PTPRN2: variants seen among roughly 807,000 people sequenced by gnomAD.
PTPRN2 encodes receptor-type tyrosine-protein phosphatase N2.
Under a neutral mutation model 118.8 loss-of-function variants are expected in PTPRN2, and 74 were observed. The observed-to-expected ratio is 0.62, with a 90% CI of 0.52 to 0.76. The LOEUF is 0.76. PTPRN2 is among the 30% of genes least tolerant of loss of function. PTPRN2 has a pLI of 0.00. For synonymous variants in PTPRN2, 641 were observed against 608.0 expected (o/e 1.05, Z -0.80); for missense variants, 1,481 against 1,394.4 (o/e 1.06, Z -0.99).
At chr7:158,272,224 G>GC (rs1461663298) in intron 3 of PTPRN2, among the ~76,000 whole-genome samples, 4 of 152,094 alleles carry the variant, frequency 2.6e-5, no homozygotes, top group African/African-American at 9.7e-5. Context: ...TGGAAAAACA[G>GC]CCCCCCGGGA....
intron 12 of PTPRN2, among the ~76,000 whole-genome samples, chr7:157,872,938 C>T (rs1811199515): frequency 6.6e-6 from 1 of 152,238 alleles, no homozygotes; most frequent in Non-Finnish European, 1.5e-5. Context: ...GCACTCATTT[C>T]CCAGGTGGTG....
rs190266283 is a variant in PTPRN2 at position 158,015,676 on chromosome 7, C to T, written c.1723+65622G>A. On this transcript the variant is annotated intron_variant, in intron 11 of 22. Transcript: ENST00000389418. The surrounding 1 kb of genome is among the most constrained non-coding windows in gnomAD (Gnocchi z 4.2). ...ACTGATTTTTGCCAGTAGCAGAGAACGTACGAGGTCTTTCTTCCTATTTTC... is the reference window on the plus strand; with the variant it reads ...ACTGATTTTTGCCAGTAGCAGAGAATGTACGAGGTCTTTCTTCCTATTTTC... 2.6e-5 allele frequency among the ~76,000 whole-genome samples: 4 copies of T among 152,152 alleles called. No homozygotes were observed. The highest frequency in any genetic ancestry group is 4.4e-5 in the Non-Finnish European group (3 of 68,030).
chr7:158,413,746 C>T (rs954609320), intron 2 of PTPRN2, among the ~76,000 whole-genome samples: 27 of 152,316 alleles, frequency 1.8e-4, no homozygotes, highest in African/African-American at 6.3e-4. Context: ...GCCCATCCTG[C>T]GGGTGCTGGG....
chr7:157,734,271 T>C (rs1249813418), intron 12 of PTPRN2, among the ~76,000 whole-genome samples: 820 of 74,284 alleles, frequency 0.011, 21 homozygotes, highest in South Asian at 0.091. Flanking sequence ...ATGTGCCCAG[T>C]GCAGTCTTCC....
chr7:157,863,720 A>G (rs1029693941), intron 12 of PTPRN2: 9 of 152,196 alleles, frequency 5.9e-5, no homozygotes, highest in Non-Finnish European at 1.5e-5. Flanking sequence ...CGATGAAGGT[A>G]AAACAAGCTC....
At chr7:158,360,189 T>A (rs62494360) in intron 2 of PTPRN2, among the ~76,000 whole-genome samples, 49 of 1,602 alleles carry the variant, frequency 0.031, 2 homozygotes, top group Non-Finnish European at 0.041. Flanking sequence ...ACATCCACCC[T>A]CACCCAGGAC....
At chr7:158,262,918 C>T (rs1459858523) in intron 3 of PTPRN2, among the ~76,000 whole-genome samples, 1 of 130,536 alleles carries the variant, frequency 7.7e-6, no homozygotes, top group Admixed American at 7.9e-5. Flanking sequence ...TCACACTGCA[C>T]ACACATTCAC....
intron 2 of PTPRN2, among the ~76,000 whole-genome samples, chr7:158,360,829 T>C (rs112985699): frequency 2.0e-3 from 28 of 14,078 alleles, no homozygotes; most frequent in Admixed American, 8.5e-3. Flanking sequence ...TCACCCAGGA[T>C]GACGCACAGA....
At position 158,544,714 on chromosome 7, in the gene PTPRN2, C is replaced by T. The variant is rs1365722409; in HGVS notation, c.112+42844G>A. 2.0e-5 allele frequency among the ~76,000 whole-genome samples: 3 copies of T among 152,042 alleles called. No individual in the cohort carries two copies. The highest frequency in any genetic ancestry group is 6.5e-5 in the Admixed American group (1 of 15,284). On this transcript the variant is annotated intron_variant, in intron 1 of 22. Transcript: ENST00000389418. This position sits in a 1 kb window ranked among gnomAD's most constrained non-coding sequence, Gnocchi z 4.2. ...GCTATCACTGTGTGAGTGTATTTTA[C>T]GTGTGGTCCAAGATAATTCTTATTC...
intron 10 of PTPRN2, among the ~76,000 whole-genome samples, chr7:158,100,601 G>A (rs1247741638): frequency 6.6e-6 from 1 of 152,108 alleles, no homozygotes; most frequent in East Asian, 1.9e-4. Context: ...AATCTTGCAG[G>A]AGTAAGGTGG....
intron 12 of PTPRN2, among the ~76,000 whole-genome samples, chr7:157,776,829 T>C (rs1357784204): frequency 1.6e-4 from 9 of 55,670 alleles, no homozygotes; most frequent in African/African-American, 6.4e-4. Context: ...CTCCCTCTCC[T>C]CCCTCTCTTC....
At chr7:158,299,320 T>G (rs10949711) in intron 3 of PTPRN2, among the ~76,000 whole-genome samples, 35,627 of 146,784 alleles carry the variant, frequency 0.24, 4,951 homozygotes, top group East Asian at 0.42. Context: ...TTTTTTGAGA[T>G]GGAGTCTCAC....
At chr7:158,196,505 G>A (rs1442817615) in intron 4 of PTPRN2, among the ~76,000 whole-genome samples, 1 of 152,170 alleles carries the variant, frequency 6.6e-6, no homozygotes, top group Non-Finnish European at 1.5e-5. Flanking sequence ...GGAGGGGTGA[G>A]GGCTCCTGAG....
intron 12 of PTPRN2, among the ~76,000 whole-genome samples, chr7:157,714,417 C>T (rs1023764342): frequency 2.0e-5 from 3 of 152,156 alleles, no homozygotes; most frequent in African/African-American, 7.2e-5. Context: ...CAGTCTTTCC[C>T]GGCAGCTCTG....
At chr7:158,134,834 G>A (rs1818672573) in intron 8 of PTPRN2, among the ~76,000 whole-genome samples, 2 of 152,152 alleles carry the variant, frequency 1.3e-5, no homozygotes, top group African/African-American at 4.8e-5. Context: ...CATAAATAAA[G>A]GGTGAGTTTC....
intron 4 of PTPRN2, among the ~76,000 whole-genome samples, chr7:158,203,653 C>T (rs911701931): frequency 5.3e-5 from 8 of 152,218 alleles, no homozygotes; most frequent in Non-Finnish European, 8.8e-5. Context: ...TCTTCCAGCC[C>T]TCTATTTTTT....
chr7:157,928,945 C>T (rs1398369292), intron 11 of PTPRN2, among the ~76,000 whole-genome samples: 1 of 152,052 alleles, frequency 6.6e-6, no homozygotes, highest in Non-Finnish European at 1.5e-5. Context: ...CAAGGCAGGA[C>T]AGGCTGCAGA....
At chr7:158,384,365 G>C (rs1027163174) in intron 2 of PTPRN2, among the ~76,000 whole-genome samples, 1 of 152,192 alleles carries the variant, frequency 6.6e-6, no homozygotes, top group Non-Finnish European at 1.5e-5. Context: ...TGGGGACCGC[G>C]GGCTGTAAAC....
chr7:158,016,292 G>A (rs949292607), intron 11 of PTPRN2, among the ~76,000 whole-genome samples: 1 of 152,166 alleles, frequency 6.6e-6, no homozygotes, highest in Non-Finnish European at 1.5e-5. Context: ...GATGCCTTGC[G>A]TGGCCTGTGT....
Sources: gnomAD v4.1 joint callset for allele counts (sites outside exome capture counted in the v4.1 genomes callset) on GRCh38, gnomAD v4.1.1 for gene constraint, Gnocchi (gnomAD v3.1) non-coding constraint, MANE v1.5 for transcripts, NCBI Gene and HGNC (gene_info 2026-07-23, HGNC 2026-07-21) for gene names.